The following RDX variants were observed in gnomAD, a reference collection of about 807,000 sequenced individuals.
RDX encodes the protein deafness, autosomal recessive 24.
RDX carries 32 observed loss-of-function variants against 83.7 expected under a neutral mutation model. The observed-to-expected ratio is 0.38, with a 90% CI of 0.29 to 0.51. The LOEUF is 0.51. Ranked by LOEUF, RDX falls within the 20% of genes least tolerant of loss-of-function variation. The probability of loss-of-function intolerance (pLI) is 0.87; values close to 1 mark genes in which losing one functional copy is unlikely to be tolerated. For synonymous variants in RDX, 229 were observed against 222.7 expected (o/e 1.03, Z -0.25); for missense variants, 600 against 689.9 (o/e 0.87, Z 1.46).
chr11:110,267,671 G>T (rs935672646), intron 3 of RDX, among the ~76,000 whole-genome samples: 1 of 151,092 alleles, frequency 6.6e-6, no homozygotes, highest in African/African-American at 2.4e-5. Flanking sequence ...CAGAAAAAAA[G>T]AAAAAACACT....
At chr11:110,245,429 G>A (rs1262159801) in intron 10 of RDX, among the ~76,000 whole-genome samples, 1 of 152,074 alleles carries the variant, frequency 6.6e-6, no homozygotes, top group Non-Finnish European at 1.5e-5. Flanking sequence ...GTGAGAACCT[G>A]TCTCACCAAA....
chr11:110,221,561 G>C (rs1446899905), intron 14 of RDX, among the ~76,000 whole-genome samples: 1 of 149,162 alleles, frequency 6.7e-6, no homozygotes, highest in Non-Finnish European at 1.5e-5. Flanking sequence ...GTGCACCACT[G>C]TTCTCCAGCC....
chr11:110,264,883 C>T lies in RDX; in HGVS notation c.97-9G>A. 1 of 1,603,512 alleles carries T rather than the reference C, an allele frequency of 6.2e-7. No individual in the cohort carries two copies. The highest frequency in any genetic ancestry group is 8.5e-7 in the Non-Finnish European group (1 of 1,172,018). ...CCAACTGTTTTCACCACCTAAAACA[C>T]AACAACAACAAAAAAACACAATTTC... is the stretch of plus-strand genomic sequence containing the variant. On this transcript the variant is annotated splice_polypyrimidine_tract_variant and intron_variant, in intron 3 of 13. Coordinates refer to ENST00000645495, the MANE Select transcript of RDX (RefSeq NM_002906.4).
chr11:110,291,567 A>G (rs1861245877), intron 1 of RDX, among the ~76,000 whole-genome samples: 2 of 151,998 alleles, frequency 1.3e-5, no homozygotes, highest in African/African-American at 2.4e-5. Context: ...TCTGGATGGG[A>G]TGCAGCAGCC....
intron 3 of RDX, 37 bp downstream of exon 3, chr11:110,272,499 T>A: frequency 7.9e-7 from 1 of 1,268,256 alleles, no homozygotes; most frequent in Non-Finnish European, 1.2e-6. Flanking sequence ...ATTCACACTA[T>A]GGTGTCAAAA....
At chr11:110,252,787 T>C (rs955867950) in intron 9 of RDX, among the ~76,000 whole-genome samples, 1 of 149,074 alleles carries the variant, frequency 6.7e-6, no homozygotes, top group Non-Finnish European at 1.5e-5. Flanking sequence ...CTCTTTTTTT[T>C]ATTTTTATTT....
At chr11:110,272,410 A>G (rs1860342338) in intron 3 of RDX, 126 bp downstream of exon 3, 1 of 707,566 alleles carries the variant, frequency 1.4e-6, no homozygotes, top group Admixed American at 2.0e-5. Flanking sequence ...CTGAATAGCT[A>G]CTATGAAAAA....
In RDX at chr11:110,279,702, C is replaced by CT. The variant is rs760376242; in HGVS notation, c.-11dup. On this transcript the variant is annotated 5_prime_UTR_variant, in exon 2 of 14. Transcript: ENST00000645495. Reference sequence around the variant, plus strand: ...TTACTGGTTTCGGCATTTTCTTTCTCTTTTTGTTACCTTCTTTAAAAATTC... The same window carrying CT: ...TTACTGGTTTCGGCATTTTCTTTCTCTTTTTTGTTACCTTCTTTAAAAATTC... 6 of 1,522,078 alleles carry CT rather than the reference C, an allele frequency of 3.9e-6. No individual in the cohort carries two copies. Among genetic ancestry groups the CT allele is most frequent in the Non-Finnish European group, 5.5e-6 (6 of 1,099,332 alleles). The allele number at this position is 1,522,078 out of a possible 1,614,324, so 94.3% of individuals were successfully genotyped here.
intron 1 of RDX, among the ~76,000 whole-genome samples, chr11:110,280,544 T>C (rs1860717867): frequency 6.6e-6 from 1 of 152,270 alleles, no homozygotes; most frequent in Non-Finnish European, 1.5e-5. Context: ...CCACTGCGCC[T>C]GGCTTATTTT....
rs143252100 is a variant in RDX at position 110,283,094 on chromosome 11, G to C, written c.-64-3338C>G. ...TATATTCTAAAATATTAAGAGGCTC[G>C]AATAATTAAAATGAAATCTGTAAAC... On this transcript the variant is annotated intron_variant, in intron 1 of 13. Coordinates refer to ENST00000645495, the MANE Select transcript of RDX (RefSeq NM_002906.4). Among the ~76,000 whole-genome samples, 383 of 152,176 alleles carry C rather than the reference G, an allele frequency of 2.5e-3. 2 individuals carry two copies. Among genetic ancestry groups the C allele is most frequent in the African/African-American group, 8.9e-3 (368 of 41,520 alleles).
intron 15 of RDX, among the ~76,000 whole-genome samples, chr11:110,196,329 T>C (rs1437216190): frequency 6.6e-6 from 1 of 152,174 alleles, no homozygotes; most frequent in Non-Finnish European, 1.5e-5. Context: ...GGTTGAGTGA[T>C]GAAGGGGAAT....
Position 110,242,443 on chromosome 11 carries a change from T to TA in RDX, c.1091-4792dup, listed in dbSNP as rs530767265. On this transcript the variant is annotated intron_variant, in intron 10 of 13. Coordinates refer to ENST00000645495, the MANE Select transcript of RDX (RefSeq NM_002906.4). The stretch of plus-strand genomic sequence containing the variant: ...GAGCAAGACTTTGTCTCAAAAAATT[T>TA]AAAAAAAAAAAAATTAAAAAAAAAA... Among the ~76,000 whole-genome samples, 167 of 115,210 alleles carry TA rather than the reference T, an allele frequency of 1.4e-3. 3 individuals carry two copies. The South Asian group carries it at 0.026, about 18-fold the overall frequency. 75.6% of individuals were successfully genotyped at this position (115,210 alleles called of 152,430 possible).
At chr11:110,184,498 C>A (rs1272761917) in intron 15 of RDX, among the ~76,000 whole-genome samples, 2 of 152,168 alleles carry the variant, frequency 1.3e-5, no homozygotes, top group Non-Finnish European at 2.9e-5. Flanking sequence ...GTAAGCCTTG[C>A]AGGGTGGGTG....
At chr11:110,181,112 G>A (rs1019688198) in intron 15 of RDX, among the ~76,000 whole-genome samples, 4 of 151,448 alleles carry the variant, frequency 2.6e-5, no homozygotes, top group African/African-American at 2.4e-5. Flanking sequence ...AGCTCAGGTG[G>A]TGGCCAGGAC....
rs565424498 is a variant in RDX at position 110,211,390 on chromosome 11, C to T, written c.1749-11712G>A. ...ACTCCCACACATTAATAATGGGAGA[C>T]TTTAACACCCCACTGTCAACATTAG... On this transcript the variant is annotated intron_variant, in intron 14 of 15. Coordinates refer to the RDX transcript ENST00000528498. 7.9e-4 allele frequency among the ~76,000 whole-genome samples: 119 copies of T among 151,188 alleles called. 1 individual carries two copies. Among genetic ancestry groups the T allele is most frequent in the African/African-American group, 2.6e-3 (109 of 41,150 alleles).
intron 10 of RDX, among the ~76,000 whole-genome samples, chr11:110,238,939 A>AAC (rs71053873): frequency 0.35 from 51,354 of 144,736 alleles, 9,541 homozygotes; most frequent in East Asian, 0.6. Flanking sequence ...AAAAAAAAAA[A>AAC]AAACAAAAAA....
At chr11:110,208,138 C>T (rs1473716661) in intron 14 of RDX, among the ~76,000 whole-genome samples, 1 of 152,024 alleles carries the variant, frequency 6.6e-6, no homozygotes, top group East Asian at 1.9e-4. Flanking sequence ...TTTTTATCTA[C>T]AAAGCCATTC....
rs1004658030 is a variant in RDX at position 110,231,845 on chromosome 11, A to T, written c.*24T>A. 6.2e-7 allele frequency: 1 copy of T among 1,611,440 alleles called. No individual in the cohort carries two copies. The highest frequency in any genetic ancestry group is 8.5e-7 in the Non-Finnish European group (1 of 1,179,694). On this transcript the variant is annotated 3_prime_UTR_variant, in exon 14 of 14. Transcript: ENST00000645495. Reference sequence around the variant, plus strand: ...TCTGTTGGTGGTTCAGCTTATGAAGAACATATATGCAAAATAACAGCTCTC... The same window carrying T: ...TCTGTTGGTGGTTCAGCTTATGAAGTACATATATGCAAAATAACAGCTCTC...
chr11:110,294,952 C>T (rs1283047586), intron 1 of RDX, among the ~76,000 whole-genome samples: 1 of 152,158 alleles, frequency 6.6e-6, no homozygotes, highest in Admixed American at 6.5e-5. Flanking sequence ...AATGTCTATT[C>T]ATTCCTTGCT....
Sources: allele counts gnomAD v4.1 joint callset (sites outside exome capture counted in the v4.1 genomes callset), GRCh38; gene constraint gnomAD v4.1.1; transcripts MANE v1.5; gene names NCBI Gene and HGNC (gene_info 2026-07-23, HGNC 2026-07-21).